The following VAC14 variants were observed in gnomAD, a reference collection of about 807,000 sequenced individuals.
VAC14 encodes the protein VAC14 component of PIKFYVE complex, also known as protein VAC14 homolog.
Under a neutral mutation model 85.3 loss-of-function variants are expected in VAC14, and 47 were observed. The observed-to-expected ratio is 0.55, with a 90% confidence interval of 0.44 to 0.70. The LOEUF is 0.70. Ranked by LOEUF, VAC14 falls within the 30% of genes least tolerant of loss-of-function variation. The pLI is 0.00. For missense variants in VAC14, 861 were observed against 1,004.3 expected, an observed-to-expected ratio of 0.86 and a Z score of 1.93; for synonymous variants, 447 against 430.5, an observed-to-expected ratio of 1.04 and a Z score of -0.47.
chr16:70,770,859 A>T (rs1005918717), intron 10 of VAC14: 2 of 152,198 alleles, frequency 1.3e-5, no homozygotes, highest in African/African-American at 4.8e-5. Context: ...GGTACATTTC[A>T]TAAACGGCTG....
intron 17 of VAC14, 31 bp from the exon 18 acceptor site, chr16:70,693,002 C>G: frequency 1.1e-5 from 17 of 1,597,922 alleles, no homozygotes; most frequent in Non-Finnish European, 1.5e-5. Flanking sequence ...GGGTCAGGGA[C>G]CTGGCACTGC....
At chr16:70,737,121 G>C (rs2054781270) in intron 13 of VAC14, among the ~76,000 whole-genome samples, 1 of 152,186 alleles carries the variant, frequency 6.6e-6, no homozygotes. Flanking sequence ...GGTGACTACA[G>C]GAGAAATGGG....
chr16:70,783,147 C>G lies in VAC14; in HGVS notation c.705-8G>C. On this transcript the variant is annotated splice_region_variant and splice_polypyrimidine_tract_variant and intron_variant, in intron 6 of 18. Coordinates refer to ENST00000261776, the MANE Select transcript of VAC14 (RefSeq NM_018052.5). ...CCAAGAACAACCTCACACCTATGAA[C>G]AAGAACAGGAAAGTGGAAACAGCGA... 2 of 1,612,930 alleles carry G rather than the reference C, an allele frequency of 1.2e-6. No homozygotes were observed. The highest frequency in any genetic ancestry group is 1.7e-6 in the Non-Finnish European group (2 of 1,179,334).
chr16:70,755,551 C>T (rs1436592483), intron 12 of VAC14, among the ~76,000 whole-genome samples: 1 of 152,208 alleles, frequency 6.6e-6, no homozygotes, highest in African/African-American at 2.4e-5. Context: ...CTCCTCACAC[C>T]TCGGGGTAAC....
At position 70,691,066 on chromosome 16, in the gene VAC14, C is replaced by T. The variant is rs1382978780; in HGVS notation, c.2186+1755G>A. 6.1e-6 allele frequency: 6 copies of T among 985,376 alleles called. No individual in the cohort carries two copies. The African/African-American group carries it at 8.7e-5, about 14-fold the overall frequency. The allele number at this position is 985,376 out of a possible 1,614,324, so 61.0% of individuals were successfully genotyped here. On this transcript the variant is annotated intron_variant, in intron 18 of 18. Coordinates refer to ENST00000261776, the MANE Select transcript of VAC14 (RefSeq NM_018052.5). ...ATCCACTGACCCTCAGAATCTTCTA[C>T]CCAGAGGCCTCAACCCCTTGGCTCA...
chr16:70,727,737 G>C (rs933508686), intron 14 of VAC14, among the ~76,000 whole-genome samples: 9 of 152,244 alleles, frequency 5.9e-5, no homozygotes, highest in African/African-American at 2.2e-4. Flanking sequence ...AAAGCTCTTT[G>C]GAACGGCCTC....
intron 7 of VAC14, 89 bp from the exon 8 acceptor site, chr16:70,782,092 C>A (rs766468073): frequency 2.2e-5 from 34 of 1,519,724 alleles, no homozygotes; most frequent in Non-Finnish European, 3.0e-5. Flanking sequence ...ATGGGGCTGG[C>A]GGCCTGTGGA....
chr16:70,698,975 G>A (rs2053768541), intron 14 of VAC14, among the ~76,000 whole-genome samples, 164 bp from the exon 15 acceptor site: 1 of 151,982 alleles, frequency 6.6e-6, no homozygotes, highest in African/African-American at 2.4e-5. Context: ...GGGAGGGCGG[G>A]GAAGGGTGGG....
At chr16:70,768,748 C>A in intron 10 of VAC14, 1 of 445,998 alleles carries the variant, frequency 2.2e-6, no homozygotes, top group South Asian at 1.6e-5. Context: ...AGGATTGCTT[C>A]CATGGTGATC....
intron 18 of VAC14, 162 bp from the exon 19 acceptor site, chr16:70,688,252 C>G: frequency 7.9e-7 from 1 of 1,263,670 alleles, no homozygotes. Context: ...GGCCCCAGAG[C>G]TGGGAAGCCC....
rs373888321 is a variant in VAC14 at position 70,762,648 on chromosome 16, G to A, written c.1306-43C>T. ...AGGGGTGCCCGTGAGTGCTCCCTTCGCCCCGGGACTACGTGCAGTGCAGTG... is the reference window on the plus strand; with the variant it reads ...AGGGGTGCCCGTGAGTGCTCCCTTCACCCCGGGACTACGTGCAGTGCAGTG... On this transcript the variant is annotated intron_variant, in intron 11 of 18. Transcript: ENST00000261776. This position sits in a 1 kb window ranked among gnomAD's most constrained non-coding sequence, Gnocchi z 4.1. 3.1e-6 allele frequency: 5 copies of A among 1,599,374 alleles called. No homozygotes were observed. Among genetic ancestry groups the A allele is most frequent in the South Asian group, 1.1e-5 (1 of 90,260 alleles).
At chr16:70,721,424 G>A (rs746266463) in intron 14 of VAC14, among the ~76,000 whole-genome samples, 2 of 152,010 alleles carry the variant, frequency 1.3e-5, no homozygotes, top group Non-Finnish European at 1.5e-5. Flanking sequence ...AGGAGGATGA[G>A]GACGAGAAAG....
intron 13 of VAC14, among the ~76,000 whole-genome samples, chr16:70,736,301 T>C (rs1206142624): frequency 2.0e-5 from 3 of 152,214 alleles, no homozygotes; most frequent in Non-Finnish European, 4.4e-5. Flanking sequence ...GGGGGCTCCT[T>C]TTTATTAGCA....
chr16:70,702,962 A>T lies in VAC14; in HGVS notation c.1662-4151T>A, dbSNP rs112034527. Among the ~76,000 whole-genome samples, 734 of 152,352 alleles carry T rather than the reference A, an allele frequency of 4.8e-3. 6 individuals are homozygous for T. The highest frequency in any genetic ancestry group is 0.017 in the African/African-American group (700 of 41,588). On this transcript the variant is annotated intron_variant, in intron 14 of 18. Transcript: ENST00000261776. ...CAGAGAAGAGGAATCTGAGGTTCAG[A>T]GAGGACCCACAGCTGACCGGAGGAG...
rs1292772196 is a variant in VAC14, at chr16:70,783,180, C to T, written c.705-41G>A. The T allele has an allele frequency of 1.9e-6, 3 of 1,596,402 alleles. No homozygotes were observed. The African/African-American group carries it at 4.0e-5, about 21-fold the overall frequency. ...GGAAAGTGGAAACAGCGAGGGTCAGCCAGGGCTGGAGGAGCCTCAAACCAG... is the reference window on the plus strand; with the variant it reads ...GGAAAGTGGAAACAGCGAGGGTCAGTCAGGGCTGGAGGAGCCTCAAACCAG... On this transcript the variant is annotated intron_variant, in intron 6 of 18. Transcript: ENST00000261776.
intron 9 of VAC14, among the ~76,000 whole-genome samples, chr16:70,774,051 A>C (rs975881373): frequency 6.6e-6 from 1 of 152,066 alleles, no homozygotes; most frequent in Non-Finnish European, 1.5e-5. Flanking sequence ...CTGGGATTAC[A>C]GGCGTGAGCC....
At chr16:70,713,709 GTTT>G (rs34017623) in intron 14 of VAC14, among the ~76,000 whole-genome samples, 2 of 133,700 alleles carry the variant, frequency 1.5e-5, no homozygotes, top group African/African-American at 2.8e-5. Flanking sequence ...CTTTGTTTTT[GTTT>G]TTTTTTTTTT....
At chr16:70,780,236 C>G (rs2033743570) in intron 9 of VAC14, among the ~76,000 whole-genome samples, 2 of 152,094 alleles carry the variant, frequency 1.3e-5, no homozygotes, top group South Asian at 4.1e-4. Context: ...AGAGCAACTT[C>G]ACTTTTTAAA....
At chr16:70,690,958 A>T in intron 18 of VAC14, 1 of 985,254 alleles carries the variant, frequency 1.0e-6, no homozygotes. Flanking sequence ...CCAAGAACCC[A>T]GAGAGGGCAC....
Sources: allele counts gnomAD v4.1 joint callset (sites outside exome capture counted in the v4.1 genomes callset), GRCh38; gene constraint gnomAD v4.1.1; non-coding constraint Gnocchi (gnomAD v3.1); transcripts MANE v1.5; gene names NCBI Gene and HGNC (gene_info 2026-07-23, HGNC 2026-07-21).